Variants in ARHGAP24 observed in about 807,000 individuals in gnomAD.
ARHGAP24 encodes the protein rho GTPase-activating protein 24.
In ARHGAP24, 50 loss-of-function variants were observed where a neutral mutation model predicts 76.4. That is an observed-to-expected ratio of 0.65 (90% CI 0.52 to 0.83). The LOEUF (loss-of-function observed/expected upper bound fraction) is 0.83, where lower values mean the gene tolerates loss of function less well. ARHGAP24 is among the 40% of genes least tolerant of loss of function. ARHGAP24 has a pLI of 0.00. For missense variants in ARHGAP24, 930 were observed against 914.2 expected, an observed-to-expected ratio of 1.02 and a Z score of -0.22; for synonymous variants, 345 against 323.3, an observed-to-expected ratio of 1.07 and a Z score of -0.72.
intron 2 of ARHGAP24, among the ~76,000 whole-genome samples, chr4:85,647,076 T>C (rs1578105579): frequency 6.6e-6 from 1 of 152,050 alleles, no homozygotes; most frequent in Non-Finnish European, 1.5e-5. Context: ...CATGTGATAG[T>C]AGGATAAAAG....
At chr4:85,872,566 G>GCCCTCCC (rs1732594272) in intron 3 of ARHGAP24, among the ~76,000 whole-genome samples, 1 of 141,216 alleles carries the variant, frequency 7.1e-6, no homozygotes, top group Non-Finnish European at 1.5e-5. Flanking sequence ...AAAGTGCTGG[G>GCCCTCCC]ATTATAGGCA....
chr4:85,945,140 C>T (rs1446254362), intron 5 of ARHGAP24, among the ~76,000 whole-genome samples: 1 of 151,902 alleles, frequency 6.6e-6, no homozygotes, highest in African/African-American at 2.4e-5. Flanking sequence ...GCCACCGCAC[C>T]CGACCTTTTT....
intron 2 of ARHGAP24, among the ~76,000 whole-genome samples, chr4:85,675,784 G>A (rs1486195221): frequency 2.6e-5 from 4 of 152,204 alleles, no homozygotes. Context: ...AAGCAAAGCT[G>A]CCTTATTGTT....
chr4:85,901,391 A>G (rs1224608347), intron 3 of ARHGAP24, among the ~76,000 whole-genome samples: 2 of 149,678 alleles, frequency 1.3e-5, no homozygotes, highest in Non-Finnish European at 3.0e-5. Context: ...ACAAACAACA[A>G]AAAAAAAAAA....
chr4:85,525,343 T>G (rs1465469319), intron 1 of ARHGAP24, among the ~76,000 whole-genome samples: 5 of 151,754 alleles, frequency 3.3e-5, no homozygotes, highest in African/African-American at 1.2e-4. Flanking sequence ...AGCTCAACTT[T>G]TACAAATTTT....
intron 2 of ARHGAP24, among the ~76,000 whole-genome samples, chr4:85,645,443 G>A (rs959694869): frequency 1.3e-5 from 2 of 152,068 alleles, no homozygotes; most frequent in Non-Finnish European, 2.9e-5. Flanking sequence ...AAGAGGAACA[G>A]CAGAGAACAG....
intron 2 of ARHGAP24, among the ~76,000 whole-genome samples, chr4:85,716,394 A>T (rs1422589555): frequency 2.0e-5 from 3 of 152,146 alleles, no homozygotes; most frequent in Non-Finnish European, 2.9e-5. Context: ...AGTTTTAAAG[A>T]TTCTTCATAA....
intron 4 of ARHGAP24, among the ~76,000 whole-genome samples, chr4:85,931,606 G>A (rs1438647362): frequency 6.6e-6 from 1 of 152,114 alleles, no homozygotes; most frequent in African/African-American, 2.4e-5. Flanking sequence ...ATCACAAGGT[G>A]GCACTGGGAG....
At chr4:85,519,463 A>G (rs558233070) in intron 1 of ARHGAP24, among the ~76,000 whole-genome samples, 11 of 152,246 alleles carry the variant, frequency 7.2e-5, no homozygotes, top group African/African-American at 2.6e-4. Context: ...GACTTAGTTC[A>G]TTGTTTACCA....
At chr4:85,652,796 T>TA (rs1721993936) in intron 2 of ARHGAP24, among the ~76,000 whole-genome samples, 1 of 152,182 alleles carries the variant, frequency 6.6e-6, no homozygotes. Context: ...AGGCAATTGT[T>TA]ACACTAGCAG....
At position 85,818,596 on chromosome 4, in the gene ARHGAP24, C is replaced by A. The variant is rs560124403; in HGVS notation, c.268+96624C>A. On this transcript the variant is annotated intron_variant, in intron 3 of 9. Transcript: ENST00000395184. ...ACTACCACAGCAGAGAGTGATTGAT[C>A]ATCAAAAGGGCCTCAGTTAGGTGTC... is the stretch of plus-strand genomic sequence containing the variant. 9.2e-5 allele frequency among the ~76,000 whole-genome samples: 14 copies of A among 152,346 alleles called. No homozygotes were observed. The South Asian group carries it at 2.9e-3, about 32-fold the overall frequency.
intron 2 of ARHGAP24, among the ~76,000 whole-genome samples, chr4:85,597,223 G>A (rs1214165422): frequency 6.6e-6 from 1 of 152,066 alleles, no homozygotes; most frequent in Non-Finnish European, 1.5e-5. Context: ...TTATTGATAT[G>A]AATTGGTTGT....
chr4:85,614,188 T>C (rs1054958783), intron 2 of ARHGAP24, among the ~76,000 whole-genome samples: 5 of 152,198 alleles, frequency 3.3e-5, no homozygotes, highest in African/African-American at 9.6e-5. Context: ...ATTAATCTTA[T>C]GCCCCGAAAT....
In ARHGAP24 at chr4:85,494,029, G is replaced by A. The variant is rs550644892; in HGVS notation, c.-21+18470G>A. Among the ~76,000 whole-genome samples, 5 of 152,232 alleles carry A rather than the reference G, an allele frequency of 3.3e-5. No homozygotes were observed. The East Asian group carries it at 9.6e-4, about 29-fold the overall frequency. On this transcript the variant is annotated intron_variant, in intron 1 of 9. Coordinates refer to ENST00000395184, the MANE Select transcript of ARHGAP24 (RefSeq NM_001025616.3). ...AACTATGGTGACTTCATGTTGACCT[G>A]AATATTTACATACTTAAGTGAGTTG...
intron 1 of ARHGAP24, among the ~76,000 whole-genome samples, chr4:85,510,392 C>A (rs1724229151): frequency 6.6e-6 from 1 of 152,024 alleles, no homozygotes; most frequent in Non-Finnish European, 1.5e-5. Flanking sequence ...CATATTTTCC[C>A]TCCTAATGTA....
At chr4:85,984,438 G>T (rs1295296972) in intron 8 of ARHGAP24, among the ~76,000 whole-genome samples, 4 of 152,178 alleles carry the variant, frequency 2.6e-5, no homozygotes, top group Non-Finnish European at 5.9e-5. Context: ...TCACTTGGCT[G>T]AAGGAGTGAA....
At chr4:85,699,156 T>G (rs1379210782) in intron 2 of ARHGAP24, among the ~76,000 whole-genome samples, 1 of 152,208 alleles carries the variant, frequency 6.6e-6, no homozygotes, top group Non-Finnish European at 1.5e-5. Flanking sequence ...GCTTTTTCCC[T>G]TACAAACATG....
intron 2 of ARHGAP24, among the ~76,000 whole-genome samples, chr4:85,681,279 AC>A (rs1723195423): frequency 6.6e-6 from 1 of 152,164 alleles, no homozygotes; most frequent in Admixed American, 6.5e-5. Context: ...CAATCCTATG[AC>A]TCAAGTCTAA....
At chr4:85,743,351 G>A (rs1220683294) in intron 3 of ARHGAP24, among the ~76,000 whole-genome samples, 1 of 132,650 alleles carries the variant, frequency 7.5e-6, no homozygotes, top group Non-Finnish European at 1.5e-5. Flanking sequence ...ACTCACTCCT[G>A]TAATCCCAGC....
Sources: gnomAD v4.1 joint callset for allele counts (sites outside exome capture counted in the v4.1 genomes callset) on GRCh38, gnomAD v4.1.1 for gene constraint, MANE v1.5 for transcripts, NCBI Gene and HGNC (gene_info 2026-07-23, HGNC 2026-07-21) for gene names.